Variants in MTUS2 observed in about 807,000 individuals in gnomAD.
The protein encoded by MTUS2 is microtubule associated scaffold protein 2, also known as microtubule-associated tumor suppressor candidate 2.
In MTUS2, 40 loss-of-function variants were observed where a neutral mutation model predicts 114.1. The observed-to-expected ratio is 0.35, with a 90% CI of 0.27 to 0.46. The LOEUF is 0.46. Ranked by LOEUF, MTUS2 falls within the 20% of genes least tolerant of loss-of-function variation. The pLI is 1.00. For missense variants in MTUS2, 1,679 were observed against 1,705.4 expected (o/e 0.98, Z 0.27); for synonymous variants, 688 against 672.0 (o/e 1.02, Z -0.37).
chr13:29,099,741 G>T (rs375928552), intron 4 of MTUS2, among the ~76,000 whole-genome samples: 250 of 152,284 alleles, frequency 1.6e-3, no homozygotes, highest in African/African-American at 5.8e-3. Context: ...AGGAATCAAT[G>T]AGGACAGTTA....
chr13:29,200,889 T>G (rs1368576533), intron 5 of MTUS2, among the ~76,000 whole-genome samples: 1 of 152,208 alleles, frequency 6.6e-6, no homozygotes, highest in Non-Finnish European at 1.5e-5. Flanking sequence ...GGTTAGGATT[T>G]ACATTCTTTT....
At chr13:29,325,178 A>G (rs991381413) in intron 7 of MTUS2, among the ~76,000 whole-genome samples, 2 of 152,298 alleles carry the variant, frequency 1.3e-5, no homozygotes, top group African/African-American at 4.8e-5. Context: ...ATTCCTGGCC[A>G]GGCGTGGTGG....
chr13:29,428,819 C>G lies in MTUS2; in HGVS notation c.3118-11164C>G, dbSNP rs780548231. On this transcript the variant is annotated intron_variant, in intron 8 of 15. Coordinates refer to ENST00000612955, the MANE Select transcript of MTUS2 (RefSeq NM_001033602.4). ...CGCTGACACCTTGAATGAAGGAGGT[C>G]CCCTTGCCAGCCAGCCTGCCGGGAT... The G allele has an allele frequency of 1.8e-5, 29 of 1,613,710 alleles. No homozygotes were observed. In the Middle Eastern group the frequency reaches 6.6e-4, roughly 37 times the overall value.
rs73439404 is a variant in MTUS2, at chr13:28,935,619, C to T, written c.-242-88838C>T. On this transcript the variant is annotated intron_variant, in intron 2 of 15. Transcript: ENST00000612955. The stretch of plus-strand genomic sequence containing the variant: ...TTACTTTCTGGGATTATATGCTGCT[C>T]CTGGCAAGCCCCATCCTTGAGTCTC... 7.5e-3 allele frequency among the ~76,000 whole-genome samples: 1,140 copies of T among 152,260 alleles called. 18 individuals are homozygous for T. The highest frequency in any genetic ancestry group is 0.026 in the African/African-American group (1,063 of 41,534).
At chr13:28,899,006 G>C (rs541651916) in intron 2 of MTUS2, among the ~76,000 whole-genome samples, 214 of 152,192 alleles carry the variant, frequency 1.4e-3, no homozygotes, top group African/African-American at 4.4e-3. Flanking sequence ...TTTTTTCAGT[G>C]TCTACCACAA....
At chr13:29,300,876 CG>C (rs1454890149) in intron 6 of MTUS2, among the ~76,000 whole-genome samples, 4 of 152,076 alleles carry the variant, frequency 2.6e-5, no homozygotes, top group Admixed American at 1.3e-4. Context: ...TAAGACTGAG[CG>C]GCTTATAAAC....
chr13:29,074,341 A>C (rs566339280), intron 4 of MTUS2, among the ~76,000 whole-genome samples: 3 of 152,200 alleles, frequency 2.0e-5, no homozygotes, highest in Admixed American at 1.3e-4. Context: ...GGGTGGTGCT[A>C]GGGATCCCCT....
intron 5 of MTUS2, among the ~76,000 whole-genome samples, chr13:29,273,413 G>A (rs1255579386): frequency 6.6e-6 from 1 of 152,210 alleles, no homozygotes; most frequent in African/African-American, 2.4e-5. Flanking sequence ...ATAGGGGACA[G>A]AGAATAGGAA....
chr13:28,823,588 C>G (rs1271826932), intron 1 of MTUS2, among the ~76,000 whole-genome samples: 1 of 152,168 alleles, frequency 6.6e-6, no homozygotes, highest in African/African-American at 2.4e-5. Flanking sequence ...AGTCAGGCTC[C>G]CCTGAGCCCT....
rs1029864185 is a variant in MTUS2, at chr13:29,281,744, A to C, written c.2685A>C (p.Ala895=). The C allele has an allele frequency of 6.2e-7, 1 of 1,611,112 alleles. No homozygotes were observed. Residue 895 remains alanine (A), a synonymous_variant, in exon 6 of 16, where the codon GCA becomes GCC. Coordinates refer to ENST00000612955, the MANE Select transcript of MTUS2 (RefSeq NM_001033602.4). Reference sequence around the variant, plus strand: ...ATGAAGAACAGCCAGTTCTGAAGGCATCTCTGCCTTCTAAGGACACACCCA... The same window carrying C: ...ATGAAGAACAGCCAGTTCTGAAGGCCTCTCTGCCTTCTAAGGACACACCCA... The part of the protein sequence containing the change: ...FGNEEQPVLK[A]SLPSKDTPKG...
chr13:29,173,421 A>C (rs985690186), intron 5 of MTUS2, among the ~76,000 whole-genome samples: 4 of 152,164 alleles, frequency 2.6e-5, no homozygotes. Flanking sequence ...ACAATTCAGA[A>C]GTTTATGTGA....
chr13:29,209,354 CGGTT>C (rs1192827970), intron 5 of MTUS2, among the ~76,000 whole-genome samples: 4 of 152,120 alleles, frequency 2.6e-5, no homozygotes, highest in African/African-American at 9.7e-5. Flanking sequence ...AGCAGATACT[CGGTT>C]GGCGAATTCT....
At chr13:29,343,807 G>T (rs1250793879) in intron 7 of MTUS2, among the ~76,000 whole-genome samples, 1 of 151,796 alleles carries the variant, frequency 6.6e-6, no homozygotes, top group African/African-American at 2.4e-5. Context: ...TTCTTTCCTT[G>T]TAGCACTGCT....
At chr13:29,336,048 T>G (rs1901046540) in intron 7 of MTUS2, among the ~76,000 whole-genome samples, 2 of 152,216 alleles carry the variant, frequency 1.3e-5, no homozygotes, top group South Asian at 4.1e-4. Flanking sequence ...TCATTTATGT[T>G]CTTCTCTAAA....
intron 2 of MTUS2, among the ~76,000 whole-genome samples, chr13:28,933,368 C>T (rs1881725813): frequency 6.6e-6 from 1 of 152,202 alleles, no homozygotes; most frequent in Non-Finnish European, 1.5e-5. Flanking sequence ...GGCAGAATCC[C>T]TTCCAGATTG....
intron 2 of MTUS2, among the ~76,000 whole-genome samples, chr13:28,874,731 C>T (rs191608413): frequency 6.6e-6 from 1 of 152,190 alleles, no homozygotes; most frequent in Non-Finnish European, 1.5e-5. Flanking sequence ...ACACAAGGAG[C>T]AACCCTAGTT....
chr13:29,494,204 G>A (rs561809177), intron 12 of MTUS2, among the ~76,000 whole-genome samples: 71 of 152,326 alleles, frequency 4.7e-4, no homozygotes, highest in African/African-American at 1.7e-3. Context: ...ATAGCCCTGG[G>A]TTGGCTTAGA....
chr13:29,068,279 C>T (rs1305321548), intron 4 of MTUS2, among the ~76,000 whole-genome samples: 1 of 152,176 alleles, frequency 6.6e-6, no homozygotes, highest in African/African-American at 2.4e-5. Context: ...TTTCACTGTG[C>T]ATTCAACAAA....
chr13:28,825,611 G>A (rs1025501984), intron 1 of MTUS2, among the ~76,000 whole-genome samples: 17 of 152,116 alleles, frequency 1.1e-4, no homozygotes, highest in African/African-American at 4.1e-4. Flanking sequence ...AGGCTGTCAT[G>A]AATTTCTCCA....
Sources: allele counts gnomAD v4.1 joint callset (sites outside exome capture counted in the v4.1 genomes callset), GRCh38; gene constraint gnomAD v4.1.1; transcripts MANE v1.5; gene names NCBI Gene and HGNC (gene_info 2026-07-23, HGNC 2026-07-21).